Variants in SVOPL observed in about 807,000 individuals in gnomAD.
SVOPL encodes putative transporter SVOPL.
A neutral mutation model predicts 61.0 loss-of-function variants in SVOPL; 60 were observed. The observed-to-expected ratio is 0.98, with a 90% confidence interval of 0.80 to 1.22. The LOEUF is 1.22. Ranked by LOEUF, SVOPL falls within the 50% of genes most tolerant of loss-of-function variation. SVOPL has a pLI of 0.00. For missense variants in SVOPL, 662 were observed against 643.9 expected (o/e 1.03, Z -0.30); for synonymous variants, 279 against 250.0 (o/e 1.12, Z -1.09).
At chr7:138,603,688 A>C (rs1042226155) in intron 14 of SVOPL, among the ~76,000 whole-genome samples, 9 of 152,144 alleles carry the variant, frequency 5.9e-5, no homozygotes, top group African/African-American at 2.2e-4. Flanking sequence ...AGATTAGATG[A>C]AGCATGAAAT....
intron 14 of SVOPL, among the ~76,000 whole-genome samples, chr7:138,613,253 C>A (rs1052467948): frequency 2.0e-5 from 3 of 152,100 alleles, no homozygotes; most frequent in East Asian, 1.9e-4. Context: ...CCCCTGACTT[C>A]AGGTGATCCA....
chr7:138,640,262 G>A (rs942955288), intron 9 of SVOPL, among the ~76,000 whole-genome samples: 26 of 149,912 alleles, frequency 1.7e-4, no homozygotes, highest in Admixed American at 4.0e-4. Context: ...ATGGAGTTTC[G>A]CTCTTGTTGC....
chr7:138,621,906 GTATC>G (rs1298870216), intron 13 of SVOPL, among the ~76,000 whole-genome samples: 10 of 27,844 alleles, frequency 3.6e-4, no homozygotes, highest in East Asian at 2.0e-3. Context: ...ATCTATCTAT[GTATC>G]TATCTATGTA....
chr7:138,700,996 A>C (rs73166909), intron 1 of SVOPL, among the ~76,000 whole-genome samples, 182 bp downstream of exon 1: 17,096 of 152,074 alleles, frequency 0.11, 1,092 homozygotes, highest in Middle Eastern at 0.16. Flanking sequence ...ATTGGGCCAC[A>C]GTAGATCTTT....
intron 14 of SVOPL, among the ~76,000 whole-genome samples, chr7:138,600,396 G>A (rs1345751022): frequency 6.6e-6 from 1 of 152,132 alleles, no homozygotes; most frequent in East Asian, 1.9e-4. Flanking sequence ...GAGCCCAGGA[G>A]TTCATGACCA....
chr7:138,597,641 CGTGTGT>C lies in SVOPL; in HGVS notation c.1354-1117_1354-1112del, dbSNP rs60875635. Among the ~76,000 whole-genome samples the C allele has an allele frequency of 8.9e-3, 1,308 of 147,618 alleles. 9 individuals carry two copies. The highest frequency in any genetic ancestry group is 0.035 in the Middle Eastern group (10 of 288). ...CAAACAGGAGTTTGTATAACGTCTG[CGTGTGT>C]GTGTGTGTGTGTGTGTGTGTGTTTT... On this transcript the variant is annotated intron_variant, in intron 14 of 15. Transcript: ENST00000674285.
At chr7:138,644,690 G>A (rs1801004028) in intron 9 of SVOPL, 27 bp downstream of exon 9, 1 of 1,611,792 alleles carries the variant, frequency 6.2e-7, no homozygotes, top group Non-Finnish European at 8.5e-7. Context: ...CTGGTGATAG[G>A]AGAAGACCTC....
chr7:138,635,851 G>A (rs1257949861), intron 9 of SVOPL, among the ~76,000 whole-genome samples: 3 of 152,088 alleles, frequency 2.0e-5, no homozygotes, highest in African/African-American at 7.2e-5. Flanking sequence ...GGGTTATAAA[G>A]CTATAAAAAT....
intron 4 of SVOPL, chr7:138,663,655 T>C (rs78101308): frequency 0.026 from 22,479 of 863,006 alleles, 663 homozygotes; most frequent in East Asian, 0.23. Context: ...CACAATGGCC[T>C]GTCCTCCCCT....
chr7:138,616,709 T>G (rs1467616091), intron 14 of SVOPL, among the ~76,000 whole-genome samples: 1 of 152,228 alleles, frequency 6.6e-6, no homozygotes, highest in Non-Finnish European at 1.5e-5. Flanking sequence ...TGACTACTAT[T>G]ATTTTTTACT....
At chr7:138,693,458 C>A (rs916033060) in intron 1 of SVOPL, among the ~76,000 whole-genome samples, 2 of 135,354 alleles carry the variant, frequency 1.5e-5, no homozygotes, top group Non-Finnish European at 3.1e-5. Flanking sequence ...GATGATAGAA[C>A]CCAGAAGAAA....
intron 7 of SVOPL, among the ~76,000 whole-genome samples, chr7:138,651,015 A>G (rs1801406346): frequency 1.3e-5 from 2 of 150,752 alleles, no homozygotes; most frequent in South Asian, 4.2e-4. Context: ...TGGATTCGAA[A>G]CCTCTAATCA....
At chr7:138,595,161 A>G (rs1037545779) in intron 15 of SVOPL, among the ~76,000 whole-genome samples, 1 of 152,136 alleles carries the variant, frequency 6.6e-6, no homozygotes, top group African/African-American at 2.4e-5. Context: ...CTTTAAAACT[A>G]TTGACCAGGT....
chr7:138,688,828 A>C (rs1005424878), intron 1 of SVOPL, among the ~76,000 whole-genome samples: 3 of 152,188 alleles, frequency 2.0e-5, no homozygotes, highest in African/African-American at 7.2e-5. Context: ...TATGAGTTGA[A>C]TTGTGTGCCC....
chr7:138,622,154 CTATCTGTCTATGTATCTATCTGTCTATG>C (rs1799661284), intron 13 of SVOPL, among the ~76,000 whole-genome samples: 1 of 51,174 alleles, frequency 2.0e-5, no homozygotes, highest in Non-Finnish European at 4.3e-5. Flanking sequence ...ATCTATGTAT[CTATCTGTCTATGTATCTATCTGTCTATG>C]TATCTATCTA....
intron 9 of SVOPL, among the ~76,000 whole-genome samples, chr7:138,643,253 C>T (rs370236424): frequency 3.3e-5 from 5 of 151,644 alleles, no homozygotes; most frequent in East Asian, 3.9e-4. Flanking sequence ...GGTGAAACCC[C>T]GTCTCTACTA....
intron 14 of SVOPL, 131 bp downstream of exon 14, chr7:138,620,915 G>A (rs1469529498): frequency 2.4e-6 from 2 of 821,340 alleles, no homozygotes; most frequent in Non-Finnish European, 3.9e-6. Context: ...CAAACAGCAG[G>A]GAAACGGCAC....
Position 138,604,677 on chromosome 7 carries a change from C to CAAAAAAAAAAAAAAAAAA in SVOPL, c.1354-8165_1354-8148dup, listed in dbSNP as rs5887890. Among the ~76,000 whole-genome samples the CAAAAAAAAAAAAAAAAAA allele has an allele frequency of 3.4e-5, 2 of 58,814 alleles. 1 individual carries two copies. Among genetic ancestry groups the CAAAAAAAAAAAAAAAAAA allele is most frequent in the Non-Finnish European group, 5.8e-5 (2 of 34,670 alleles). 38.6% of individuals were successfully genotyped at this position (58,814 alleles called of 152,430 possible). A position where few individuals can be genotyped will look rare whatever the true frequency, so the allele number is the denominator to read the frequency against. ...TGGGCAACAGAGCAAAACTTTATCT[C>CAAAAAAAAAAAAAAAAAA]AAAAAAAAAAAAAAAAAAAAAAAGT... On this transcript the variant is annotated intron_variant, in intron 14 of 15. Coordinates refer to ENST00000674285, the MANE Select transcript of SVOPL (RefSeq NM_001139456.2).
At chr7:138,630,950 A>G (rs1800151316) in intron 9 of SVOPL, among the ~76,000 whole-genome samples, 1 of 139,024 alleles carries the variant, frequency 7.2e-6, no homozygotes, top group Admixed American at 7.1e-5. Context: ...TCTCAAAAAA[A>G]GAAAAAAAAA....
Sources: gnomAD v4.1 joint callset for allele counts (sites outside exome capture counted in the v4.1 genomes callset) on GRCh38, gnomAD v4.1.1 for gene constraint, MANE v1.5 for transcripts, NCBI Gene and HGNC (gene_info 2026-07-23, HGNC 2026-07-21) for gene names.